Variants in ITPA observed in about 807,000 individuals in gnomAD.
ITPA encodes inosine triphosphatase.
ITPA carries 29 observed loss-of-function variants against 29.6 expected under a neutral mutation model. That is an observed-to-expected ratio of 0.98 (90% CI 0.73 to 1.34). ITPA has a LOEUF of 1.34. Among genes scored for constraint, ITPA ranks in the 40% most tolerant of loss-of-function variants. The pLI, the probability that ITPA is intolerant of heterozygous loss-of-function variation, is 0.00. For missense variants in ITPA, 241 were observed against 251.5 expected (o/e 0.96, Z 0.28); for synonymous variants, 103 against 99.3 (o/e 1.04, Z -0.22).
At chr20:3,226,281 C>G (rs192639131), downstream of ITPA, among the ~76,000 whole-genome samples, 73 of 152,242 alleles carry the variant, frequency 4.8e-4, no homozygotes, top group African/African-American at 1.7e-3. The surrounding 1 kb of genome is among the most constrained non-coding windows in gnomAD (Gnocchi z 4.4). Flanking sequence ...TGGTGGGCAC[C>G]CAGCAGCTGT....
chr20:3,220,063 C>A (rs76873037), intron 6 of ITPA, among the ~76,000 whole-genome samples: 8,356 of 56,746 alleles, frequency 0.15, 469 homozygotes, highest in South Asian at 0.21. Flanking sequence ...AAAAAAAAAA[C>A]AAACCTTAAT....
chr20:3,218,736 T>TG lies in ITPA; in HGVS notation c.411+108dup, dbSNP rs575549086. 1.8e-5 allele frequency: 14 copies of TG among 795,534 alleles called. No homozygotes were observed. The African/African-American group carries it at 2.2e-4, about 13-fold the overall frequency. 49.3% of individuals were successfully genotyped at this position (795,534 alleles called of 1,614,324 possible). A position where few individuals can be genotyped will look rare whatever the true frequency, so the allele number is the denominator to read the frequency against. On this transcript the variant is annotated intron_variant, in intron 6 of 7. Transcript: ENST00000380113. ...CGGGAGGGTGGTGGGAGGGGCGCCT[T>TG]GGGGCCAGAGATATCTGTGCCTTGC... is the stretch of plus-strand genomic sequence containing the variant.
At chr20:3,213,630 T>C (rs779332687) in intron 3 of ITPA, among the ~76,000 whole-genome samples, 6 of 152,064 alleles carry the variant, frequency 3.9e-5, no homozygotes, top group Non-Finnish European at 7.4e-5. Context: ...TTCCCCCAAA[T>C]GCTCAGACAA....
intron 5 of ITPA, among the ~76,000 whole-genome samples, chr20:3,215,662 G>C (rs1266223196): frequency 2.0e-5 from 3 of 152,198 alleles, no homozygotes; most frequent in Non-Finnish European, 4.4e-5. Flanking sequence ...ACCCACAGTT[G>C]CAAGCCAAAA....
intron 7 of ITPA, among the ~76,000 whole-genome samples, chr20:3,222,986 C>A (rs1219822095): frequency 6.6e-6 from 1 of 152,182 alleles, no homozygotes; most frequent in Non-Finnish European, 1.5e-5. Flanking sequence ...TGTTCAAGTG[C>A]TCCCCCGCCC....
At chr20:3,204,737 G>T, upstream of ITPA, 1 of 1,075,312 alleles carries the variant, frequency 9.3e-7, no homozygotes, top group Non-Finnish European at 1.3e-6. Context: ...GCCCCGCCCA[G>T]CGGCACATCA....
intron 4 of ITPA, 97 bp from the exon 5 acceptor site, chr20:3,215,184 T>G (rs1196595042): frequency 7.7e-7 from 1 of 1,303,458 alleles, no homozygotes; most frequent in Non-Finnish European, 1.1e-6. Flanking sequence ...GCATTCTTTT[T>G]CATTTCCCCT....
chr20:3,211,122 C>A lies in ITPA; in HGVS notation c.66+1505C>A, dbSNP rs114945536. 9.1e-4 allele frequency among the ~76,000 whole-genome samples: 137 copies of A among 150,164 alleles called. 1 individual carries two copies. The highest frequency in any genetic ancestry group is 3.2e-3 in the African/African-American group (131 of 41,028). ...GGCACTAGAGTAGCCAAGGGAGACT[C>A]CTTGGAGAACATGGACTTGAACACT... On this transcript the variant is annotated intron_variant, in intron 1 of 7. Coordinates refer to ENST00000380113, the MANE Select transcript of ITPA (RefSeq NM_033453.4).
intron 5 of ITPA, among the ~76,000 whole-genome samples, chr20:3,216,689 C>A (rs150609658): frequency 6.6e-6 from 1 of 151,350 alleles, no homozygotes. Context: ...TGACCTCAGG[C>A]GATCCACCCA....
chr20:3,217,880 C>T (rs759087513), intron 5 of ITPA, among the ~76,000 whole-genome samples: 3 of 151,306 alleles, frequency 2.0e-5, no homozygotes, highest in African/African-American at 2.4e-5. Flanking sequence ...GAAAAAGTGC[C>T]TATTACAGTT....
chr20:3,215,720 C>CTG (rs2067277938), intron 5 of ITPA, among the ~76,000 whole-genome samples: 1 of 152,224 alleles, frequency 6.6e-6, no homozygotes, highest in South Asian at 2.1e-4. Flanking sequence ...GGGTCTCACT[C>CTG]TGTTGCCCAG....
chr20:3,209,310 C>A, upstream of ITPA: 1 of 589,220 alleles, frequency 1.7e-6, no homozygotes, highest in Non-Finnish European at 3.1e-6. The surrounding 1 kb of genome is among the most constrained non-coding windows in gnomAD (Gnocchi z 4.6). Flanking sequence ...GATAGCGTCC[C>A]TTAGGCAGGA....
chr20:3,219,112 G>A, intron 6 of ITPA: 1 of 160,634 alleles, frequency 6.2e-6, no homozygotes, highest in Admixed American at 5.9e-5. Flanking sequence ...TCTAACCTCA[G>A]ATTTCCTTAT....
chr20:3,227,102 C>T (rs534442782), downstream of ITPA, among the ~76,000 whole-genome samples: 64 of 152,368 alleles, frequency 4.2e-4, no homozygotes, highest in South Asian at 0.011. Flanking sequence ...TGCTGTCACC[C>T]TGATGGTCCC....
At chr20:3,222,452 G>A (rs907260760) in intron 7 of ITPA, among the ~76,000 whole-genome samples, 7 of 152,004 alleles carry the variant, frequency 4.6e-5, no homozygotes, top group East Asian at 1.9e-4. Flanking sequence ...CAGGTGATCC[G>A]CCCACCTCGG....
chr20:3,216,958 G>A (rs1313080648), intron 5 of ITPA, among the ~76,000 whole-genome samples: 1 of 151,202 alleles, frequency 6.6e-6, no homozygotes, highest in African/African-American at 2.4e-5. Flanking sequence ...TTGGCTCACT[G>A]CAACCTCTGC....
intron 5 of ITPA, among the ~76,000 whole-genome samples, chr20:3,217,905 G>GTTTTTTTT (rs372604621): frequency 6.8e-6 from 1 of 146,226 alleles, no homozygotes. Flanking sequence ...AGTTTTTGTG[G>GTTTTTTTT]GTTTTTTTTT....
At chr20:3,226,287 G>A (rs1252780647), downstream of ITPA, among the ~76,000 whole-genome samples, 1 of 152,222 alleles carries the variant, frequency 6.6e-6, no homozygotes, top group Non-Finnish European at 1.5e-5. The surrounding 1 kb of genome is among the most constrained non-coding windows in gnomAD (Gnocchi z 4.4). Context: ...GCACCCAGCA[G>A]CTGTCCCGTG....
At chr20:3,206,888 C>T (rs2067075017), upstream of ITPA, among the ~76,000 whole-genome samples, 1 of 151,504 alleles carries the variant, frequency 6.6e-6, no homozygotes, top group South Asian at 2.1e-4. Flanking sequence ...GTGGTGCATG[C>T]CTGGAGTCCC....
Sources: allele counts gnomAD v4.1 joint callset (sites outside exome capture counted in the v4.1 genomes callset), GRCh38; gene constraint gnomAD v4.1.1; non-coding constraint Gnocchi (gnomAD v3.1); transcripts MANE v1.5; gene names NCBI Gene and HGNC (gene_info 2026-07-23, HGNC 2026-07-21).